SIPA1L2: variants seen among roughly 807,000 people sequenced by gnomAD.
SIPA1L2 encodes the protein signal-induced proliferation-associated 1-like protein 2.
A neutral mutation model predicts 163.9 loss-of-function variants in SIPA1L2; 56 were observed. That is an observed-to-expected ratio of 0.34 (90% confidence interval 0.28 to 0.43). SIPA1L2 has a LOEUF of 0.43. Among genes scored for constraint, SIPA1L2 ranks in the 20% least tolerant of loss-of-function variants. SIPA1L2 has a pLI of 1.00. For missense variants in SIPA1L2, 1,974 were observed against 2,193.5 expected, an observed-to-expected ratio of 0.90 and a Z score of 2.00; for synonymous variants, 877 against 865.7, an observed-to-expected ratio of 1.01 and a Z score of -0.23.
At chr1:232,506,878 C>A (rs899890647) in intron 3 of SIPA1L2, among the ~76,000 whole-genome samples, 1 of 152,114 alleles carries the variant, frequency 6.6e-6, no homozygotes, top group African/African-American at 2.4e-5. Flanking sequence ...GCACTTATGA[C>A]TTACATTTGT....
intron 1 of SIPA1L2, among the ~76,000 whole-genome samples, chr1:232,586,953 T>C (rs933519331): frequency 9.2e-5 from 14 of 152,208 alleles, no homozygotes; most frequent in Admixed American, 7.2e-4. Context: ...ACACAGCTGG[T>C]GTCATGGGCC....
chr1:232,470,268 T>C lies in SIPA1L2; in HGVS notation c.2243+1103A>G, dbSNP rs144351282. ...CAGTGGTCTGAAACCCAGATGTGCG[T>C]AAGAATGACTATGGAGGGAAGTATA... On this transcript the variant is annotated intron_variant, in intron 8 of 22. Coordinates refer to ENST00000674635, the MANE Select transcript of SIPA1L2 (RefSeq NM_020808.5). 3.6e-3 allele frequency among the ~76,000 whole-genome samples: 545 copies of C among 152,304 alleles called. 6 individuals are homozygous for C. The highest frequency in any genetic ancestry group is 0.012 in the African/African-American group (519 of 41,564).
rs1660715660 is a variant in SIPA1L2 at position 232,587,262 on chromosome 1, T to TG, written c.-318-13041_-318-13040insC. Among the ~76,000 whole-genome samples, 3 of 152,250 alleles carry TG rather than the reference T, an allele frequency of 2.0e-5. No homozygotes were observed. In the South Asian group the frequency reaches 6.2e-4, roughly 32 times the overall value. Reference sequence around the variant, plus strand: ...AGGACACAGGAGTCAACAGCCCCAGTCAAAGTGCCACACTCCAGGAACTCT... The same window carrying TG: ...AGGACACAGGAGTCAACAGCCCCAGTGCAAAGTGCCACACTCCAGGAACTCT... On this transcript the variant is annotated intron_variant, in intron 1 of 22. Coordinates refer to ENST00000674635, the MANE Select transcript of SIPA1L2 (RefSeq NM_020808.5).
intron 9 of SIPA1L2, chr1:232,462,146 A>G (rs1363915867): frequency 1.6e-6 from 2 of 1,290,066 alleles, no homozygotes; most frequent in Non-Finnish European, 2.2e-6. Context: ...ATTGCATCCC[A>G]CTTGGTACAT....
At chr1:232,499,355 G>C (rs1469617892) in intron 3 of SIPA1L2, among the ~76,000 whole-genome samples, 1 of 152,208 alleles carries the variant, frequency 6.6e-6, no homozygotes, top group Non-Finnish European at 1.5e-5. Context: ...CCACTTCAGA[G>C]AACACACGAT....
chr1:232,419,314 A>G (rs1467223316), intron 18 of SIPA1L2, among the ~76,000 whole-genome samples: 1 of 152,246 alleles, frequency 6.6e-6, no homozygotes. Context: ...TGAAAAACAC[A>G]TACATTTTCT....
chr1:232,476,551 G>A (rs1572955932), intron 7 of SIPA1L2, among the ~76,000 whole-genome samples: 1 of 152,256 alleles, frequency 6.6e-6, no homozygotes, highest in East Asian at 1.9e-4. Context: ...AGGGCAAGCA[G>A]AAGGAAAGCA....
At chr1:232,443,721 A>G (rs758533970) in intron 11 of SIPA1L2, 36 bp from the exon 12 acceptor site, 1 of 1,561,950 alleles carries the variant, frequency 6.4e-7, no homozygotes, top group Non-Finnish European at 8.7e-7. Context: ...CAGGGCACTG[A>G]ACTATCTGCC....
chr1:232,543,096 TAACACA>T (rs2103113510), intron 2 of SIPA1L2, among the ~76,000 whole-genome samples: 1 of 152,318 alleles, frequency 6.6e-6, no homozygotes, highest in South Asian at 2.1e-4. Flanking sequence ...ACAGTGTATC[TAACACA>T]ACCAGTCACT....
At chr1:232,490,283 T>G (rs1285722987) in intron 5 of SIPA1L2, among the ~76,000 whole-genome samples, 2 of 152,174 alleles carry the variant, frequency 1.3e-5, no homozygotes, top group African/African-American at 2.4e-5. Context: ...TCCAAAGGCC[T>G]AGTTAAAATG....
At chr1:232,551,550 G>T (rs1001158281) in intron 2 of SIPA1L2, among the ~76,000 whole-genome samples, 6 of 152,230 alleles carry the variant, frequency 3.9e-5, no homozygotes, top group African/African-American at 1.2e-4. Context: ...GTACTCCCAA[G>T]AAGAGCGGTG....
At chr1:232,493,000 A>C (rs759780272) in intron 4 of SIPA1L2, among the ~76,000 whole-genome samples, 2 of 152,000 alleles carry the variant, frequency 1.3e-5, no homozygotes, top group Non-Finnish European at 2.9e-5. Flanking sequence ...ATCTCATGTC[A>C]AATTGGAGAA....
At chr1:232,420,704 G>T (rs1661525238) in intron 18 of SIPA1L2, among the ~76,000 whole-genome samples, 1 of 151,600 alleles carries the variant, frequency 6.6e-6, no homozygotes, top group African/African-American at 2.4e-5. Flanking sequence ...GTGCGGTGGT[G>T]GATGCCTGTA....
At chr1:232,559,695 A>G (rs1443027758) in intron 2 of SIPA1L2, among the ~76,000 whole-genome samples, 1 of 152,186 alleles carries the variant, frequency 6.6e-6, no homozygotes, top group Non-Finnish European at 1.5e-5. Context: ...TTGACAATTG[A>G]GGAGATTTTA....
chr1:232,443,510 C>T, intron 12 of SIPA1L2, 92 bp downstream of exon 12: 2 of 949,648 alleles, frequency 2.1e-6, no homozygotes, highest in Non-Finnish European at 3.0e-6. Context: ...CCACATGGCC[C>T]CAGGTACAGA....
At chr1:232,610,701 C>A (rs1435216326) in intron 1 of SIPA1L2, among the ~76,000 whole-genome samples, 1 of 152,096 alleles carries the variant, frequency 6.6e-6, no homozygotes, top group African/African-American at 2.4e-5. Context: ...GCTCAGAGTT[C>A]AGCCTTTCTC....
At position 232,415,478 on chromosome 1, in the gene SIPA1L2, G is replaced by A; in HGVS notation, c.4762+16C>T. The A allele has an allele frequency of 1.3e-6, 2 of 1,599,286 alleles. No individual in the cohort carries two copies. Among genetic ancestry groups the A allele is most frequent in the African/African-American group, 2.7e-5 (2 of 74,272 alleles). On this transcript the variant is annotated intron_variant, in intron 19 of 22. Coordinates refer to ENST00000674635, the MANE Select transcript of SIPA1L2 (RefSeq NM_020808.5). ...CCCAGGGTAAGGGGTGAGGCCAGAG[G>A]CTGGTGAGTCTTTACCTTCAAATGC...
chr1:232,459,794 T>G (rs996927616), intron 10 of SIPA1L2, among the ~76,000 whole-genome samples: 2 of 152,200 alleles, frequency 1.3e-5, no homozygotes, highest in Non-Finnish European at 2.9e-5. Flanking sequence ...ATTACAGGTG[T>G]GAGCCATAGC....
At chr1:232,616,372 TC>T (rs1197313817) in intron 1 of SIPA1L2, among the ~76,000 whole-genome samples, 1 of 152,134 alleles carries the variant, frequency 6.6e-6, no homozygotes, top group Admixed American at 6.5e-5. Context: ...TACACGACAT[TC>T]CCTAGCATCC....
Sources: allele counts gnomAD v4.1 joint callset (sites outside exome capture counted in the v4.1 genomes callset), GRCh38; gene constraint gnomAD v4.1.1; transcripts MANE v1.5; gene names NCBI Gene and HGNC (gene_info 2026-07-23, HGNC 2026-07-21).